Variants in NBEA observed in about 807,000 individuals in gnomAD.
The protein encoded by NBEA is lysosomal-trafficking regulator 2.
NBEA carries 44 observed loss-of-function variants against 343.4 expected under a neutral mutation model. That is an observed-to-expected ratio of 0.13 (90% confidence interval 0.10 to 0.16). The LOEUF (loss-of-function observed/expected upper bound fraction) is 0.16, where lower values mean the gene tolerates loss of function less well. Among genes scored for constraint, NBEA ranks in the 10% least tolerant of loss-of-function variants. The pLI is 1.00. For missense variants in NBEA, 2,555 were observed against 3,631.3 expected (o/e 0.70, Z 7.62); for synonymous variants, 1,175 against 1,238.7 (o/e 0.95, Z 1.08).
chr13:35,117,263 T>C (rs955184971), intron 13 of NBEA, 151 bp from the exon 14 acceptor site: 16 of 286,806 alleles, frequency 5.6e-5, no homozygotes, highest in Non-Finnish European at 8.3e-5. Context: ...TGGATACTCA[T>C]ATATTATTAA....
intron 1 of NBEA, among the ~76,000 whole-genome samples, chr13:34,958,455 C>T (rs1240257729): frequency 6.6e-6 from 1 of 151,748 alleles, no homozygotes; most frequent in Non-Finnish European, 1.5e-5. Flanking sequence ...AGGAGACCCT[C>T]TAATGCCTGG....
chr13:34,943,110 A>G lies in NBEA; in HGVS notation c.290A>G (p.Asn97Ser), dbSNP rs1372215082. Residue 97 changes from asparagine (N) to serine (S), a missense_variant, in exon 1 of 59, where the codon AAC becomes AGC. This residue lies in a region of NBEA where 185 missense variants were observed against 290.6 expected (regional missense o/e 0.64). Transcript: ENST00000379939. Reference sequence around the variant, plus strand: ...AGGGACATCGTGGAGACGGTGCTCAACCTGGTAAGGAAAAGGCGTGCTCTC... The same window carrying G: ...AGGGACATCGTGGAGACGGTGCTCAGCCTGGTAAGGAAAAGGCGTGCTCTC... ...SNRDIVETVLNLLVGGEFDLE... is the reference protein window; with the variant it reads ...SNRDIVETVLSLLVGGEFDLE... The G allele has an allele frequency of 1.2e-6, 2 of 1,613,454 alleles. No homozygotes were observed. Among genetic ancestry groups the G allele is most frequent in the Admixed American group, 1.7e-5 (1 of 60,006 alleles).
At chr13:34,991,098 C>T (rs900863337) in intron 1 of NBEA, among the ~76,000 whole-genome samples, 20 of 152,218 alleles carry the variant, frequency 1.3e-4, no homozygotes, top group African/African-American at 4.8e-4. Flanking sequence ...TTGGTAACAA[C>T]AGTTTAACAA....
intron 1 of NBEA, among the ~76,000 whole-genome samples, chr13:34,961,562 A>G (rs1194481102): frequency 6.6e-6 from 1 of 152,040 alleles, no homozygotes; most frequent in East Asian, 1.9e-4. Flanking sequence ...ATCTGGTCAC[A>G]TATCCATTTT....
intron 17 of NBEA, among the ~76,000 whole-genome samples, chr13:35,132,159 A>T (rs1017500178): frequency 7.9e-5 from 12 of 151,990 alleles, no homozygotes; most frequent in African/African-American, 2.9e-4. Flanking sequence ...TACTATTATT[A>T]CTATTATTAT....
intron 10 of NBEA, among the ~76,000 whole-genome samples, chr13:35,075,309 A>G (rs894657660): frequency 1.3e-5 from 2 of 152,102 alleles, no homozygotes; most frequent in African/African-American, 4.8e-5. Flanking sequence ...TCTGGCATTT[A>G]ATGAGTTTTC....
intron 34 of NBEA, among the ~76,000 whole-genome samples, chr13:35,233,686 G>A (rs2075088578): frequency 6.6e-6 from 1 of 152,112 alleles, no homozygotes; most frequent in Non-Finnish European, 1.5e-5. Flanking sequence ...ATGTTACATA[G>A]TTTTGATATA....
At chr13:35,104,991 A>T (rs1381234735) in intron 11 of NBEA, among the ~76,000 whole-genome samples, 3 of 151,992 alleles carry the variant, frequency 2.0e-5, no homozygotes, top group Non-Finnish European at 4.4e-5. Flanking sequence ...TACTCAACCT[A>T]GGTTTTTGAG....
chr13:35,370,871 A>G (rs7989570), intron 38 of NBEA, among the ~76,000 whole-genome samples: 45,855 of 151,130 alleles, frequency 0.3, 9,192 homozygotes, highest in African/African-American at 0.57. Flanking sequence ...CTCCATTTAT[A>G]AAGAATAACT....
chr13:35,666,504 C>T (rs1334439135), intron 56 of NBEA, among the ~76,000 whole-genome samples: 2 of 151,442 alleles, frequency 1.3e-5, no homozygotes. Flanking sequence ...GAGATGATTG[C>T]TGGTGTTTTC....
In NBEA at chr13:34,995,627, C is replaced by T. The variant is rs73485789; in HGVS notation, c.295-45306C>T. On this transcript the variant is annotated intron_variant, in intron 1 of 58. Coordinates refer to ENST00000379939, the MANE Select transcript of NBEA (RefSeq NM_001385012.1). Reference sequence around the variant, plus strand: ...AACAGAGTGGGACAAAAAAAAACAACTTAATTGGTTACAGCTAGGTGTTGT... The same window carrying T: ...AACAGAGTGGGACAAAAAAAAACAATTTAATTGGTTACAGCTAGGTGTTGT... Among the ~76,000 whole-genome samples, 966 of 152,184 alleles carry T rather than the reference C, an allele frequency of 6.3e-3. 11 individuals carry two copies. The highest frequency in any genetic ancestry group is 0.022 in the African/African-American group (925 of 41,526).
chr13:35,169,978 C>T (rs960916931), intron 25 of NBEA, among the ~76,000 whole-genome samples: 7 of 151,660 alleles, frequency 4.6e-5, no homozygotes, highest in African/African-American at 1.7e-4. Flanking sequence ...TTTCCAGGCT[C>T]ATTTTAGAGA....
At chr13:35,346,082 C>A (rs987803406) in intron 36 of NBEA, among the ~76,000 whole-genome samples, 4 of 152,066 alleles carry the variant, frequency 2.6e-5, no homozygotes, top group Non-Finnish European at 5.9e-5. Context: ...GATACAATTT[C>A]TTTGGTGTGT....
At chr13:35,630,864 AG>A (rs1268408380) in intron 49 of NBEA, among the ~76,000 whole-genome samples, 1 of 152,114 alleles carries the variant, frequency 6.6e-6, no homozygotes, top group Non-Finnish European at 1.5e-5. Context: ...TGTGACCACT[AG>A]GGGGCCATTT....
chr13:35,387,881 A>G (rs1205842230), intron 38 of NBEA, among the ~76,000 whole-genome samples: 1 of 152,128 alleles, frequency 6.6e-6, no homozygotes, highest in Non-Finnish European at 1.5e-5. Flanking sequence ...TGAACCTCCT[A>G]TCCCCTTCGC....
At chr13:35,393,086 T>A (rs2042583095) in intron 38 of NBEA, among the ~76,000 whole-genome samples, 1 of 152,190 alleles carries the variant, frequency 6.6e-6, no homozygotes, top group Non-Finnish European at 1.5e-5. Context: ...AGACTAACCC[T>A]ACCAATATGA....
At chr13:35,638,950 A>C (rs886587284) in intron 49 of NBEA, among the ~76,000 whole-genome samples, 18 of 152,350 alleles carry the variant, frequency 1.2e-4, no homozygotes, top group African/African-American at 2.6e-4. Context: ...GTCACATCTT[A>C]ATTCTACTTA....
intron 10 of NBEA, 178 bp downstream of exon 10, chr13:35,071,030 A>T: frequency 3.9e-6 from 2 of 515,722 alleles, no homozygotes; most frequent in Non-Finnish European, 6.0e-6. Flanking sequence ...GAAAACGCTG[A>T]CATTTAGGTT....
chr13:35,327,562 T>C (rs1310999014), intron 36 of NBEA, among the ~76,000 whole-genome samples: 1 of 151,992 alleles, frequency 6.6e-6, no homozygotes, highest in Non-Finnish European at 1.5e-5. Flanking sequence ...TACTTATAAG[T>C]GTGAGCTAAA....
Sources: gnomAD v4.1 joint callset for allele counts (sites outside exome capture counted in the v4.1 genomes callset) on GRCh38, gnomAD v4.1.1 for gene constraint, gnomAD v4.1.1 regional missense constraint, MANE v1.5 for transcripts, NCBI Gene and HGNC (gene_info 2026-07-23, HGNC 2026-07-21) for gene names.